Variants in LUZP2 observed in about 807,000 individuals in gnomAD.
LUZP2 encodes the protein leucine zipper protein 2.
In LUZP2, 52 loss-of-function variants were observed where a neutral mutation model predicts 51.6. The ratio of observed to expected loss-of-function variants is 1.01; its 90% CI spans 0.81 to 1.27. The LOEUF is 1.27. Among genes scored for constraint, LUZP2 ranks in the 50% most tolerant of loss-of-function variants. The pLI is 0.00. For synonymous variants in LUZP2, 154 were observed against 137.3 expected, an observed-to-expected ratio of 1.12 and a Z score of -0.85; for missense variants, 436 against 395.4, an observed-to-expected ratio of 1.10 and a Z score of -0.87.
intron 1 of LUZP2, among the ~76,000 whole-genome samples, chr11:24,633,373 T>C (rs1247905911): frequency 6.6e-6 from 1 of 152,060 alleles, no homozygotes; most frequent in Non-Finnish European, 1.5e-5. Flanking sequence ...TAGCAAAAGA[T>C]ACACACAAGT....
chr11:24,887,596 C>T (rs1852711764), intron 5 of LUZP2, among the ~76,000 whole-genome samples: 1 of 152,130 alleles, frequency 6.6e-6, no homozygotes, highest in Non-Finnish European at 1.5e-5. Flanking sequence ...GTTGTATACA[C>T]TGGAAATTGT....
chr11:24,592,163 A>G (rs1234652021), intron 1 of LUZP2, among the ~76,000 whole-genome samples: 1 of 152,194 alleles, frequency 6.6e-6, no homozygotes, highest in Non-Finnish European at 1.5e-5. Flanking sequence ...GCAAACACTA[A>G]CTACCTTAAC....
intron 10 of LUZP2, among the ~76,000 whole-genome samples, chr11:25,058,659 A>G (rs1336463824): frequency 6.6e-6 from 1 of 152,192 alleles, no homozygotes. Flanking sequence ...AAATATTTGT[A>G]TTGTAAATTA....
chr11:25,034,388 T>C (rs757472856), intron 9 of LUZP2, among the ~76,000 whole-genome samples: 1 of 152,146 alleles, frequency 6.6e-6, no homozygotes, highest in African/African-American at 2.4e-5. Context: ...GTTTTGTTGA[T>C]AGTTTCTTTT....
chr11:25,060,083 G>T (rs942108913), intron 10 of LUZP2, among the ~76,000 whole-genome samples: 5 of 152,088 alleles, frequency 3.3e-5, no homozygotes, highest in Non-Finnish European at 1.5e-5. Context: ...TACAGATAAA[G>T]AATCAGAGCC....
chr11:24,769,272 G>T (rs1460991676), intron 5 of LUZP2, among the ~76,000 whole-genome samples: 1 of 152,152 alleles, frequency 6.6e-6, no homozygotes, highest in Non-Finnish European at 1.5e-5. Context: ...TTTGTCAACA[G>T]GTACAAAGTT....
intron 1 of LUZP2, among the ~76,000 whole-genome samples, chr11:24,592,433 A>G (rs372543726): frequency 1.1e-4 from 16 of 152,182 alleles, no homozygotes; most frequent in African/African-American, 2.9e-4. Flanking sequence ...TAAAAATGAT[A>G]TGAGCAAAAG....
intron 9 of LUZP2, among the ~76,000 whole-genome samples, chr11:25,026,368 A>G (rs2133982707): frequency 6.6e-6 from 1 of 152,312 alleles, no homozygotes; most frequent in African/African-American, 2.4e-5. Flanking sequence ...TGGAATGTAT[A>G]TGAAAATTGA....
At chr11:24,512,907 G>A (rs1215001770) in intron 1 of LUZP2, among the ~76,000 whole-genome samples, 4 of 151,892 alleles carry the variant, frequency 2.6e-5, no homozygotes, top group South Asian at 2.1e-4. Flanking sequence ...ATGCTGCCAC[G>A]CCCAGCTAAT....
chr11:24,764,282 T>C (rs912879110), intron 5 of LUZP2, among the ~76,000 whole-genome samples: 1 of 152,006 alleles, frequency 6.6e-6, no homozygotes, highest in Non-Finnish European at 1.5e-5. Flanking sequence ...ATTTTTATCT[T>C]TACATAAGTA....
Position 24,892,598 on chromosome 11 carries a change from C to T in LUZP2, c.397-13393C>T, listed in dbSNP as rs546806701. The T allele has an allele frequency of 1.9e-5, 6 of 320,690 alleles. No homozygotes were observed. In the Admixed American group the frequency reaches 1.9e-4, roughly 10 times the overall value. The allele number at this position is 320,690 out of a possible 1,614,324, so 19.9% of individuals were successfully genotyped here. On this transcript the variant is annotated intron_variant, in intron 5 of 11. Transcript: ENST00000336930. ...GCTATTTCTAGTCAAGTGCTAATCT[C>T]TTGAATGAAGCTGAATTAGGTAGTC... is the stretch of plus-strand genomic sequence containing the variant.
At chr11:24,959,924 C>G (rs1456999368) in intron 7 of LUZP2, among the ~76,000 whole-genome samples, 2 of 152,140 alleles carry the variant, frequency 1.3e-5, no homozygotes, top group African/African-American at 4.8e-5. Flanking sequence ...AGATACGTCC[C>G]ATCAATACCT....
At chr11:24,979,645 T>C (rs369191713) in intron 8 of LUZP2, among the ~76,000 whole-genome samples, 2 of 151,988 alleles carry the variant, frequency 1.3e-5, no homozygotes, top group South Asian at 4.1e-4. Context: ...GAATCAGCCT[T>C]GAGTTTCCCA....
chr11:24,872,902 TTAGAC>T (rs1347805710), intron 5 of LUZP2, among the ~76,000 whole-genome samples: 1 of 152,114 alleles, frequency 6.6e-6, no homozygotes, highest in African/African-American at 2.4e-5. Flanking sequence ...ATGGGAGACT[TTAGAC>T]TAGAACATAC....
At chr11:24,949,625 T>C (rs1855017226) in intron 7 of LUZP2, among the ~76,000 whole-genome samples, 1 of 151,560 alleles carries the variant, frequency 6.6e-6, no homozygotes, top group African/African-American at 2.4e-5. Flanking sequence ...CTGTACTGTG[T>C]GCTTCCTCAG....
intron 9 of LUZP2, among the ~76,000 whole-genome samples, chr11:24,985,290 C>T (rs1422430879): frequency 1.3e-5 from 2 of 151,644 alleles, no homozygotes; most frequent in Non-Finnish European, 3.0e-5. Flanking sequence ...TAGATCAGGT[C>T]ATCTTCTGTT....
At chr11:24,737,111 T>C (rs1202794230) in intron 3 of LUZP2, among the ~76,000 whole-genome samples, 1 of 151,864 alleles carries the variant, frequency 6.6e-6, no homozygotes, top group Non-Finnish European at 1.5e-5. Context: ...AACATAAGGG[T>C]GTGGAGAGAT....
intron 1 of LUZP2, among the ~76,000 whole-genome samples, chr11:24,722,407 A>C (rs1209121858): frequency 1.3e-5 from 2 of 152,142 alleles, no homozygotes; most frequent in Non-Finnish European, 2.9e-5. Context: ...AGGCAAAGAA[A>C]GAGATCCATC....
intron 5 of LUZP2, among the ~76,000 whole-genome samples, chr11:24,791,635 T>C (rs1289592041): frequency 6.6e-6 from 1 of 152,136 alleles, no homozygotes. Flanking sequence ...ATAATTAATA[T>C]AATTATAAAC....
Sources: gnomAD v4.1 joint callset for allele counts (sites outside exome capture counted in the v4.1 genomes callset) on GRCh38, gnomAD v4.1.1 for gene constraint, MANE v1.5 for transcripts, NCBI Gene and HGNC (gene_info 2026-07-23, HGNC 2026-07-21) for gene names.